The following GRB14 variants were observed in gnomAD, a reference collection of about 807,000 sequenced individuals.
GRB14 encodes growth factor receptor bound protein 14.
A neutral mutation model predicts 69.1 loss-of-function variants in GRB14; 38 were observed. That is an observed-to-expected ratio of 0.55 (90% CI 0.42 to 0.72). The LOEUF is 0.72. Among genes scored for constraint, GRB14 ranks in the 30% least tolerant of loss-of-function variants. GRB14 has a pLI of 0.00. For missense variants in GRB14, 666 were observed against 666.1 expected (o/e 1.00, Z 0.00); for synonymous variants, 247 against 241.3 (o/e 1.02, Z -0.22).
chr2:164,493,294 A>G (rs1284189554), intron 13 of GRB14, 112 bp from the exon 14 acceptor site: 13 of 889,652 alleles, frequency 1.5e-5, no homozygotes, highest in South Asian at 9.1e-5. Context: ...TATAAAACTA[A>G]AAGACAGTGA....
At chr2:164,512,994 T>C (rs1198423539) in intron 6 of GRB14, among the ~76,000 whole-genome samples, 1 of 152,218 alleles carries the variant, frequency 6.6e-6, no homozygotes, top group East Asian at 1.9e-4. Context: ...TTAATTTTCT[T>C]TTATCTTTAA....
chr2:164,569,416 A>G (rs1196349334), intron 2 of GRB14, among the ~76,000 whole-genome samples: 1 of 152,222 alleles, frequency 6.6e-6, no homozygotes, highest in Non-Finnish European at 1.5e-5. Flanking sequence ...TACAATTGTA[A>G]AATCTCTTCT....
chr2:164,502,857 A>G (rs1374294656), intron 8 of GRB14, among the ~76,000 whole-genome samples: 1 of 152,138 alleles, frequency 6.6e-6, no homozygotes, highest in Non-Finnish European at 1.5e-5. Context: ...TATCAAAACT[A>G]TTAATGCCAT....
chr2:164,605,204 G>A lies in GRB14; in HGVS notation c.324+14483C>T, dbSNP rs556668584. Among the ~76,000 whole-genome samples, 7 of 152,222 alleles carry A rather than the reference G, an allele frequency of 4.6e-5. No homozygotes were observed. The South Asian group carries it at 1.4e-3, about 32-fold the overall frequency. The stretch of plus-strand genomic sequence containing the variant: ...TTTTGAAAAGTGGATAAATCCAAGA[G>A]TTGTTCTTCCCAAAGGACTTGGTAC... On this transcript the variant is annotated intron_variant, in intron 2 of 13. Coordinates refer to ENST00000263915, the MANE Select transcript of GRB14 (RefSeq NM_004490.3).
chr2:164,531,987 A>G (rs892459461), intron 3 of GRB14, among the ~76,000 whole-genome samples: 5 of 152,222 alleles, frequency 3.3e-5, no homozygotes, highest in African/African-American at 1.2e-4. Context: ...AGAAATGTGG[A>G]AGGACTAAAG....
At chr2:164,616,612 A>G (rs1349357982) in intron 2 of GRB14, among the ~76,000 whole-genome samples, 1 of 152,192 alleles carries the variant, frequency 6.6e-6, no homozygotes, top group South Asian at 2.1e-4. Context: ...TAGGCATCTC[A>G]AATAGTAAAC....
At chr2:164,508,699 C>T (rs1687256945) in intron 7 of GRB14, 43 bp downstream of exon 7, 2 of 1,497,054 alleles carry the variant, frequency 1.3e-6, no homozygotes, top group South Asian at 2.5e-5. Flanking sequence ...ACCTAAAAGG[C>T]TGAGGCTTGC....
chr2:164,494,455 T>C lies in GRB14; in HGVS notation c.1452A>G (p.Lys484=). ...TFVLSMSHGQ[K]IKHFQIIPVE... is the part of the protein sequence containing the mutation. ...CTGGTATAATTTGAAAGTGCTTTATTTTTTGTCCATGACTCATTGACAGTA... is the reference window on the plus strand; with the variant it reads ...CTGGTATAATTTGAAAGTGCTTTATCTTTTGTCCATGACTCATTGACAGTA... The change falls in exon 13 of 14, where the codon AAA becomes AAG. Residue 484 remains lysine (K), a synonymous_variant. Transcript: ENST00000263915. 2 of 1,595,328 alleles carry C rather than the reference T, an allele frequency of 1.3e-6. No homozygotes were observed. The highest frequency in any genetic ancestry group is 1.1e-5 in the South Asian group (1 of 90,680).
chr2:164,594,324 A>T (rs545635009), intron 2 of GRB14, among the ~76,000 whole-genome samples: 2 of 152,232 alleles, frequency 1.3e-5, no homozygotes, highest in African/African-American at 2.4e-5. Context: ...TACTTAAGCA[A>T]GCATTATTTT....
intron 2 of GRB14, among the ~76,000 whole-genome samples, chr2:164,550,940 G>A (rs985054415): frequency 3.9e-5 from 6 of 152,074 alleles, no homozygotes. Flanking sequence ...AGCAGACTTG[G>A]TGCTCTGGTA....
intron 6 of GRB14, among the ~76,000 whole-genome samples, chr2:164,517,692 C>T (rs1687528919): frequency 6.6e-6 from 1 of 151,912 alleles, no homozygotes; most frequent in African/African-American, 2.4e-5. Context: ...CAAATGGACA[C>T]CAAAAGAGAG....
At chr2:164,597,308 T>C (rs1689806932) in intron 2 of GRB14, among the ~76,000 whole-genome samples, 1 of 152,218 alleles carries the variant, frequency 6.6e-6, no homozygotes, top group Non-Finnish European at 1.5e-5. Flanking sequence ...TCACCCTCTT[T>C]CATAGTGCAG....
At chr2:164,525,635 T>C (rs1228752430) in intron 4 of GRB14, among the ~76,000 whole-genome samples, 6 of 152,090 alleles carry the variant, frequency 3.9e-5, no homozygotes, top group African/African-American at 1.4e-4. Context: ...CTGGAGTTTC[T>C]GATTCAGTAG....
chr2:164,589,867 G>C (rs931301313), intron 2 of GRB14, among the ~76,000 whole-genome samples: 1 of 152,160 alleles, frequency 6.6e-6, no homozygotes, highest in African/African-American at 2.4e-5. Flanking sequence ...AGTTCTGAAG[G>C]CTGGAAGTCC....
At chr2:164,538,580 T>C (rs764357906) in intron 3 of GRB14, among the ~76,000 whole-genome samples, 1 of 152,180 alleles carries the variant, frequency 6.6e-6, no homozygotes, top group Non-Finnish European at 1.5e-5. Context: ...AGTAGAACCA[T>C]ATAATAATAT....
At chr2:164,578,526 A>G (rs867996224) in intron 2 of GRB14, among the ~76,000 whole-genome samples, 3,143 of 150,356 alleles carry the variant, frequency 0.021, 106 homozygotes, top group African/African-American at 0.074. Context: ...TCGCGCGCAC[A>G]CACACACACA....
chr2:164,560,481 T>C (rs1688794319), intron 2 of GRB14, among the ~76,000 whole-genome samples: 1 of 152,180 alleles, frequency 6.6e-6, no homozygotes, highest in African/African-American at 2.4e-5. Flanking sequence ...TTCTGTTTGA[T>C]ACAATCACAA....
chr2:164,605,403 A>T (rs906759708), intron 2 of GRB14, among the ~76,000 whole-genome samples: 1 of 152,232 alleles, frequency 6.6e-6, no homozygotes, highest in Non-Finnish European at 1.5e-5. Context: ...TGAGATGTCT[A>T]TGGACCGTAT....
At chr2:164,586,875 G>A (rs1428141781) in intron 2 of GRB14, among the ~76,000 whole-genome samples, 1 of 152,090 alleles carries the variant, frequency 6.6e-6, no homozygotes, top group Non-Finnish European at 1.5e-5. Flanking sequence ...AGATGTTAGA[G>A]GTTAACTTGC....
Sources: gnomAD v4.1 joint callset for allele counts (sites outside exome capture counted in the v4.1 genomes callset) on GRCh38, gnomAD v4.1.1 for gene constraint, MANE v1.5 for transcripts, NCBI Gene and HGNC (gene_info 2026-07-23, HGNC 2026-07-21) for gene names.